The following COLGALT2 variants were observed in gnomAD, a reference collection of about 807,000 sequenced individuals.
COLGALT2 encodes collagen beta(1-O)galactosyltransferase 2, also known as procollagen galactosyltransferase 2.
A neutral mutation model predicts 73.4 loss-of-function variants in COLGALT2; 49 were observed. That is an observed-to-expected ratio of 0.67 (90% CI 0.53 to 0.85). COLGALT2 has a LOEUF of 0.85. Ranked by LOEUF, COLGALT2 falls within the 40% of genes least tolerant of loss-of-function variation. The pLI, the probability that COLGALT2 is intolerant of heterozygous loss-of-function variation, is 0.00. For synonymous variants in COLGALT2, 295 were observed against 307.6 expected (o/e 0.96, Z 0.43); for missense variants, 722 against 790.2 (o/e 0.91, Z 1.03).
chr1:183,997,548 C>T (rs1671802884), intron 1 of COLGALT2, among the ~76,000 whole-genome samples: 1 of 152,202 alleles, frequency 6.6e-6, no homozygotes, highest in South Asian at 2.1e-4. Context: ...AATACATTAA[C>T]ACTAACGATA....
intron 1 of COLGALT2, among the ~76,000 whole-genome samples, chr1:184,014,360 T>C (rs1648931057): frequency 6.6e-6 from 1 of 152,082 alleles, no homozygotes; most frequent in Non-Finnish European, 1.5e-5. Context: ...TCCACATGAT[T>C]GAATGCAGCA....
chr1:183,987,795 A>C (rs1671527621), intron 1 of COLGALT2, among the ~76,000 whole-genome samples: 1 of 152,222 alleles, frequency 6.6e-6, no homozygotes. Context: ...GAATAGGCAC[A>C]TGTGGGCCCC....
At chr1:184,000,201 T>C (rs920813111) in intron 1 of COLGALT2, among the ~76,000 whole-genome samples, 1 of 152,174 alleles carries the variant, frequency 6.6e-6, no homozygotes, top group African/African-American at 2.4e-5. Flanking sequence ...CTTTCAACTT[T>C]TCAGTCTCGT....
At chr1:184,035,688 T>C (rs1649650116) in intron 1 of COLGALT2, among the ~76,000 whole-genome samples, 1 of 152,126 alleles carries the variant, frequency 6.6e-6, no homozygotes, top group Non-Finnish European at 1.5e-5. Flanking sequence ...TGCATAAAGA[T>C]CAAAACCATA....
chr1:184,016,743 A>G (rs1649013010), intron 1 of COLGALT2, among the ~76,000 whole-genome samples: 1 of 152,210 alleles, frequency 6.6e-6, no homozygotes, highest in South Asian at 2.1e-4. Context: ...TCAAAATGAG[A>G]AAAGAAATTA....
In COLGALT2 at chr1:183,978,466, C is replaced by G; in HGVS notation, c.318G>C (p.Leu106Phe). ...AGTGATAGAGTCTCTGTACATTTTT[C>G]AACCACTCCCTGAATATTTCTGTTG... Reference protein sequence around the residue: ...DNTTEIFREWLKNVQRLYHYV... With the variant: ...DNTTEIFREWFKNVQRLYHYV... The change falls in exon 2 of 12, where the codon TTG becomes TTC. Residue 106 changes from leucine (L) to phenylalanine (F), a missense_variant. Coordinates refer to ENST00000361927, the MANE Select transcript of COLGALT2 (RefSeq NM_015101.4). 2 of 1,612,954 alleles carry G rather than the reference C, an allele frequency of 1.2e-6. No individual in the cohort carries two copies. Among genetic ancestry groups the G allele is most frequent in the East Asian group, 4.5e-5 (2 of 44,866 alleles).
chr1:183,969,404 G>C lies in COLGALT2; in HGVS notation c.697C>G (p.Pro233Ala), dbSNP rs1283446423. Residue 233 changes from proline (P) to alanine (A), a missense_variant, in exon 5 of 12, where the codon CCC (proline) becomes GCC (alanine). Coordinates refer to ENST00000361927, the MANE Select transcript of COLGALT2 (RefSeq NM_015101.4). Reference sequence around the variant, plus strand: ...ATTAGGAAGGTGGAGTGGACCATGGGGACGGGGAAGCAGCCTGTCCTCTTC... The same window carrying C: ...ATTAGGAAGGTGGAGTGGACCATGGCGACGGGGAAGCAGCCTGTCCTCTTC... ...EWKRTGCFPV[P>A]MVHSTFLIDL... The C allele has an allele frequency of 1.2e-6, 2 of 1,613,844 alleles. No homozygotes were observed. Among genetic ancestry groups the C allele is most frequent in the Non-Finnish European group, 1.7e-6 (2 of 1,179,874 alleles).
At chr1:183,965,490 A>G (rs1443381557) in intron 5 of COLGALT2, among the ~76,000 whole-genome samples, 1 of 152,192 alleles carries the variant, frequency 6.6e-6, no homozygotes, top group Non-Finnish European at 1.5e-5. Context: ...AAGGAAGAGG[A>G]GGAGGAGGAA....
In COLGALT2 at chr1:183,939,040, GA is replaced by G; in HGVS notation, c.1605-4del. The stretch of plus-strand genomic sequence containing the variant: ...CATAATACTCCTTGTACTCGGCTCT[GA>G]AAACAAGAAGGTGGCCGGACACATG... On this transcript the variant is annotated splice_region_variant and splice_polypyrimidine_tract_variant and intron_variant, in intron 11 of 11. Transcript: ENST00000361927. The G allele has an allele frequency of 6.2e-7, 1 of 1,606,446 alleles. No homozygotes were observed. Among genetic ancestry groups the G allele is most frequent in the African/African-American group, 1.3e-5 (1 of 74,864 alleles).
chr1:183,970,712 C>T (rs1671014454), intron 4 of COLGALT2, among the ~76,000 whole-genome samples: 1 of 152,160 alleles, frequency 6.6e-6, no homozygotes. Context: ...AATGGGATAA[C>T]AGCTGCTCTG....
At chr1:183,964,260 C>T (rs1572642574) in intron 5 of COLGALT2, 1 of 431,468 alleles carries the variant, frequency 2.3e-6, no homozygotes, top group African/African-American at 2.0e-5. Context: ...TGATTTTTTC[C>T]CTCTGAAGAA....
Position 184,031,966 on chromosome 1 carries a change from G to A in COLGALT2, c.263+5129C>T, listed in dbSNP as rs192072209. Among the ~76,000 whole-genome samples the A allele has an allele frequency of 4.0e-4, 60 of 151,324 alleles. No homozygotes were observed. In the East Asian group the frequency reaches 8.0e-3, roughly 20 times the overall value. On this transcript the variant is annotated intron_variant, in intron 1 of 11. Coordinates refer to ENST00000361927, the MANE Select transcript of COLGALT2 (RefSeq NM_015101.4). The stretch of plus-strand genomic sequence containing the variant: ...GGAAGAAGCACAGTGGCTCAATCTC[G>A]GCTTGCTGCAACCTCCACCTCCTAG...
At position 183,937,931 on chromosome 1, in the gene COLGALT2, A is replaced by G; in HGVS notation, c.*830T>C. 1 of 985,440 alleles carries G rather than the reference A, an allele frequency of 1.0e-6. No individual in the cohort carries two copies. Among genetic ancestry groups the G allele is most frequent in the Non-Finnish European group, 1.2e-6 (1 of 829,938 alleles). The allele number at this position is 985,440 out of a possible 1,614,324, so 61.0% of individuals were successfully genotyped here. A position where few individuals can be genotyped will look rare whatever the true frequency, so the allele number is the denominator to read the frequency against. ...CTGTAGCAGCGCGCAAACCCGGGAC[A>G]GGGCAGGATGCACAGCCAGTCCTCA... On this transcript the variant is annotated 3_prime_UTR_variant, in exon 12 of 12. Coordinates refer to ENST00000361927, the MANE Select transcript of COLGALT2 (RefSeq NM_015101.4).
At chr1:183,985,772 G>A (rs190896601) in intron 1 of COLGALT2, among the ~76,000 whole-genome samples, 2 of 152,274 alleles carry the variant, frequency 1.3e-5, no homozygotes, top group East Asian at 3.9e-4. Flanking sequence ...ACATTCCCCA[G>A]AGGCTCAAGG....
chr1:183,990,852 A>G (rs1454280866), intron 1 of COLGALT2, among the ~76,000 whole-genome samples: 1 of 152,264 alleles, frequency 6.6e-6, no homozygotes, highest in African/African-American at 2.4e-5. Flanking sequence ...CACAGGACAC[A>G]GTGAAGAGGG....
intron 1 of COLGALT2, among the ~76,000 whole-genome samples, chr1:184,006,413 C>T (rs1448019324): frequency 1.3e-5 from 2 of 151,854 alleles, no homozygotes; most frequent in African/African-American, 4.8e-5. Flanking sequence ...GGAGAAGCCT[C>T]GTCTCTACTA....
intron 1 of COLGALT2, among the ~76,000 whole-genome samples, chr1:184,019,864 C>T (rs773542401): frequency 2.0e-5 from 3 of 152,144 alleles, no homozygotes; most frequent in Admixed American, 6.5e-5. Context: ...ATGTTTGCTC[C>T]ATGCCTAAAG....
At chr1:184,009,868 G>T (rs1172150482) in intron 1 of COLGALT2, among the ~76,000 whole-genome samples, 1 of 152,092 alleles carries the variant, frequency 6.6e-6, no homozygotes, top group Non-Finnish European at 1.5e-5. Flanking sequence ...TGTTCTGTAG[G>T]CATCACAGAT....
At chr1:183,964,115 G>A (rs1427949225) in intron 5 of COLGALT2, 95 bp from the exon 6 acceptor site, 8 of 1,325,106 alleles carry the variant, frequency 6.0e-6, no homozygotes, top group African/African-American at 2.9e-5. Context: ...CTGATGCTGA[G>A]TTTGACACTG....
Sources: allele counts gnomAD v4.1 joint callset (sites outside exome capture counted in the v4.1 genomes callset), GRCh38; gene constraint gnomAD v4.1.1; transcripts MANE v1.5; gene names NCBI Gene and HGNC (gene_info 2026-07-23, HGNC 2026-07-21).